CSMD1: variants seen among roughly 807,000 people sequenced by gnomAD.
The protein encoded by CSMD1 is CUB and Sushi multiple domains 1, also known as CUB and sushi domain-containing protein 1.
In CSMD1, 213 loss-of-function variants were observed where a neutral mutation model predicts 417.5. The observed-to-expected ratio is 0.51, with a 90% CI of 0.46 to 0.57. The LOEUF (loss-of-function observed/expected upper bound fraction) is 0.57, where lower values mean the gene tolerates loss of function less well. Ranked by LOEUF, CSMD1 falls within the 20% of genes least tolerant of loss-of-function variation. CSMD1 has a pLI of 0.00. For missense variants in CSMD1, 6,923 were observed against 4,529.7 expected (o/e 1.53, Z -15.17); for synonymous variants, 2,862 against 1,736.8 (o/e 1.65, Z -16.11).
At chr8:3,395,414 G>A (rs1482303960) in intron 17 of CSMD1, among the ~76,000 whole-genome samples, 4 of 152,102 alleles carry the variant, frequency 2.6e-5, no homozygotes, top group Non-Finnish European at 5.9e-5. Context: ...TGTTAAAAAT[G>A]TATTCCTAGG....
At chr8:4,247,741 C>A (rs548421632) in intron 3 of CSMD1, among the ~76,000 whole-genome samples, 1 of 152,106 alleles carries the variant, frequency 6.6e-6, no homozygotes, top group Non-Finnish European at 1.5e-5. Flanking sequence ...AATGTATCAT[C>A]AACTGCTGAT....
chr8:4,123,094 G>C (rs1166426080), intron 3 of CSMD1, among the ~76,000 whole-genome samples: 1 of 152,160 alleles, frequency 6.6e-6, no homozygotes, highest in South Asian at 2.1e-4. Context: ...AGTGAGATTG[G>C]AAAACAGAAA....
At chr8:3,924,451 A>T (rs1384706125) in intron 5 of CSMD1, among the ~76,000 whole-genome samples, 1 of 152,100 alleles carries the variant, frequency 6.6e-6, no homozygotes, top group Non-Finnish European at 1.5e-5. Context: ...TTCCTCTAAG[A>T]AATTTATCTT....
At chr8:4,026,002 G>A (rs1797046132) in intron 4 of CSMD1, among the ~76,000 whole-genome samples, 1 of 130,764 alleles carries the variant, frequency 7.6e-6, no homozygotes, top group Non-Finnish European at 1.7e-5. Context: ...GCTACTGTTA[G>A]GAACTCTATA....
chr8:3,407,842 T>A lies in CSMD1; in HGVS notation c.2071+57A>T, dbSNP rs578197364. The A allele has an allele frequency of 2.5e-4, 360 of 1,444,814 alleles. 3 individuals carry two copies. In the African/African-American group the frequency reaches 4.2e-3, roughly 17 times the overall value. The allele number at this position is 1,444,814 out of a possible 1,614,324, so 89.5% of individuals were successfully genotyped here. ...CAACTTCACATACATATAAGCAAAA[T>A]GGGAACATGTAAGTAAAATGAGAAC... On this transcript the variant is annotated intron_variant, in intron 14 of 69. Coordinates refer to ENST00000635120, the MANE Select transcript of CSMD1 (RefSeq NM_033225.6).
Position 4,781,834 on chromosome 8 carries a change from C to T in CSMD1, c.86-144276G>A, listed in dbSNP as rs138728074. Among the ~76,000 whole-genome samples, 15 of 152,256 alleles carry T rather than the reference C, an allele frequency of 9.9e-5. No individual in the cohort carries two copies. The East Asian group carries it at 1.4e-3, about 14-fold the overall frequency. ...GCCAGTAAAACATCATTCACGATGACGGTTCCATATTTTAGTTTACATATC... is the reference window on the plus strand; with the variant it reads ...GCCAGTAAAACATCATTCACGATGATGGTTCCATATTTTAGTTTACATATC... On this transcript the variant is annotated intron_variant, in intron 1 of 69. Transcript: ENST00000635120.
At chr8:4,446,387 A>G (rs1238920898) in intron 2 of CSMD1, among the ~76,000 whole-genome samples, 3 of 152,006 alleles carry the variant, frequency 2.0e-5, no homozygotes, top group Non-Finnish European at 4.4e-5. Flanking sequence ...AACTCCATAA[A>G]AACAAACAAA....
intron 5 of CSMD1, among the ~76,000 whole-genome samples, chr8:3,865,672 C>T (rs1476437250): frequency 6.6e-6 from 1 of 152,126 alleles, no homozygotes; most frequent in Non-Finnish European, 1.5e-5. Context: ...CTGTTAAGTA[C>T]CAGGCACTGT....
intron 1 of CSMD1, among the ~76,000 whole-genome samples, chr8:4,698,922 A>C (rs1432096896): frequency 6.6e-6 from 1 of 151,964 alleles, no homozygotes; most frequent in Admixed American, 6.6e-5. Context: ...ACACACACAC[A>C]CACACACACA....
At chr8:3,431,079 C>G (rs1875071) in intron 12 of CSMD1, among the ~76,000 whole-genome samples, 2 of 152,044 alleles carry the variant, frequency 1.3e-5, no homozygotes, top group African/African-American at 4.8e-5. Flanking sequence ...TCCAGGCTTC[C>G]AGACTTTCTG....
chr8:4,968,521 C>G (rs961902158), intron 1 of CSMD1, among the ~76,000 whole-genome samples: 1 of 152,064 alleles, frequency 6.6e-6, no homozygotes, highest in African/African-American at 2.4e-5. Context: ...TAATTTCCAC[C>G]TGCACTACTA....
At chr8:4,663,064 G>C (rs183101517) in intron 1 of CSMD1, among the ~76,000 whole-genome samples, 3 of 152,156 alleles carry the variant, frequency 2.0e-5, no homozygotes, top group Non-Finnish European at 4.4e-5. Context: ...CATGACTGGA[G>C]AGAGTCAAGT....
chr8:3,880,190 G>T (rs1166525414), intron 5 of CSMD1, among the ~76,000 whole-genome samples: 1 of 152,100 alleles, frequency 6.6e-6, no homozygotes, highest in African/African-American at 2.4e-5. Context: ...ATAGCCAAGA[G>T]GAGCAGTTAG....
intron 12 of CSMD1, among the ~76,000 whole-genome samples, chr8:3,457,920 G>GC (rs1816260211): frequency 6.6e-6 from 1 of 152,020 alleles, no homozygotes; most frequent in African/African-American, 2.4e-5. Flanking sequence ...CCATATGGCT[G>GC]GAAAAAAATA....
chr8:3,841,397 G>C (rs1030424034), intron 5 of CSMD1, among the ~76,000 whole-genome samples: 1 of 152,108 alleles, frequency 6.6e-6, no homozygotes, highest in African/African-American at 2.4e-5. Context: ...CAATGTGTTT[G>C]ATTGCTTTTA....
intron 5 of CSMD1, among the ~76,000 whole-genome samples, chr8:3,979,034 C>A (rs559232319): frequency 1.8e-4 from 28 of 152,294 alleles, no homozygotes; most frequent in African/African-American, 6.0e-4. Context: ...TGCACAACAC[C>A]TGGACCACAA....
intron 3 of CSMD1, among the ~76,000 whole-genome samples, chr8:4,392,082 G>T (rs372031132): frequency 6.6e-6 from 1 of 152,332 alleles, no homozygotes; most frequent in South Asian, 2.1e-4. Context: ...GTCTGCAGCT[G>T]CATGAGTGTC....
chr8:4,064,830 T>C (rs1306361943), intron 3 of CSMD1, among the ~76,000 whole-genome samples: 1 of 152,142 alleles, frequency 6.6e-6, no homozygotes, highest in Non-Finnish European at 1.5e-5. Context: ...ATCTATATCA[T>C]GTCAATAATG....
chr8:4,053,136 G>A (rs967074830), intron 3 of CSMD1, among the ~76,000 whole-genome samples: 1 of 152,116 alleles, frequency 6.6e-6, no homozygotes, highest in African/African-American at 2.4e-5. Context: ...CTTCTCCATG[G>A]GTGCAGTGTA....
Sources: gnomAD v4.1 joint callset for allele counts (sites outside exome capture counted in the v4.1 genomes callset) on GRCh38, gnomAD v4.1.1 for gene constraint, MANE v1.5 for transcripts, NCBI Gene and HGNC (gene_info 2026-07-23, HGNC 2026-07-21) for gene names.